The following TNRC18 variants were observed in gnomAD, a reference collection of about 807,000 sequenced individuals.
TNRC18 encodes trinucleotide repeat-containing gene 18 protein.
TNRC18 carries 69 observed loss-of-function variants against 226.7 expected under a neutral mutation model. That is an observed-to-expected ratio of 0.30 (90% CI 0.25 to 0.37). The LOEUF (loss-of-function observed/expected upper bound fraction) is 0.37, where lower values mean the gene tolerates loss of function less well. Among genes scored for constraint, TNRC18 ranks in the 10% least tolerant of loss-of-function variants. The probability of loss-of-function intolerance (pLI) is 1.00; values close to 1 mark genes in which losing one functional copy is unlikely to be tolerated. For missense variants in TNRC18, 4,754 were observed against 4,256.6 expected, an observed-to-expected ratio of 1.12 and a Z score of -3.25; for synonymous variants, 2,449 against 1,927.6, an observed-to-expected ratio of 1.27 and a Z score of -7.09.
At position 5,361,957 on chromosome 7, in the gene TNRC18, T is replaced by C; in HGVS notation, c.4472A>G (p.Gln1491Arg). 1.9e-6 allele frequency: 3 copies of C among 1,612,132 alleles called. No individual in the cohort carries two copies. The highest frequency in any genetic ancestry group is 2.5e-6 in the Non-Finnish European group (3 of 1,179,446). The part of the protein sequence containing the change: ...LDFRMRLAEV[Q>R]RQYKEKQREL... ...ACGCTGCTTCTCCTTGTACTGGCGC[T>C]GCACCTCGGCCAGCCGCATCCGGAA... is the stretch of plus-strand genomic sequence containing the variant. Residue 1491 changes from glutamine (Q) to arginine (R), a missense_variant, in exon 13 of 30, where the codon CAG (glutamine) becomes CGG (arginine). Transcript: ENST00000430969.
intron 18 of TNRC18, among the ~76,000 whole-genome samples, chr7:5,334,137 G>A (rs531674952): frequency 3.7e-4 from 56 of 152,290 alleles, no homozygotes; most frequent in South Asian, 2.1e-3. Flanking sequence ...CACAGGAGCC[G>A]AAAAGCCAAG....
chr7:5,354,296 C>T (rs1583883991), intron 16 of TNRC18, among the ~76,000 whole-genome samples: 2 of 152,036 alleles, frequency 1.3e-5, no homozygotes, highest in East Asian at 3.9e-4. Context: ...TCGGAGCACC[C>T]CAGAGACATC....
Position 5,388,605 on chromosome 7 carries a change from G to C in TNRC18, c.1219C>G (p.Pro407Ala). 7.7e-7 allele frequency: 1 copy of C among 1,294,374 alleles called. No homozygotes were observed. The highest frequency in any genetic ancestry group is 9.8e-7 in the Non-Finnish European group (1 of 1,021,108). The allele number at this position is 1,294,374 out of a possible 1,614,324, so 80.2% of individuals were successfully genotyped here. ...CCGGGGGGCGCCTGCAGGACCCCTG[G>C]CCTGCCAGCCTCGCGCTCGCGGGCC... ...ARAREREAGR[P>A]GVLQAPPGSP... The change falls in exon 5 of 30, where the codon CCA becomes GCA. Residue 407 changes from proline to alanine, a missense_variant. Physicochemically the swap from Pro to Ala is conservative, Grantham distance 27. Transcript: ENST00000430969.
At chr7:5,365,903 C>G (rs1408085039) in intron 11 of TNRC18, among the ~76,000 whole-genome samples, 6 of 152,120 alleles carry the variant, frequency 3.9e-5, no homozygotes, top group Non-Finnish European at 7.3e-5. Context: ...AACCCTATCT[C>G]TACTAAAAAT....
chr7:5,347,350 CTAATT>C (rs1458387766), intron 17 of TNRC18, among the ~76,000 whole-genome samples: 1 of 145,192 alleles, frequency 6.9e-6, no homozygotes, highest in Non-Finnish European at 1.5e-5. Context: ...CCACACCAGG[CTAATT>C]TTTTTTTTTT....
intron 2 of TNRC18, among the ~76,000 whole-genome samples, chr7:5,411,235 A>G (rs1033530661): frequency 6.7e-6 from 1 of 149,890 alleles, no homozygotes; most frequent in African/African-American, 2.4e-5. Flanking sequence ...AAAAAAAAAG[A>G]AAAAAGAAAA....
intron 11 of TNRC18, among the ~76,000 whole-genome samples, chr7:5,365,766 G>C (rs1364082302): frequency 3.3e-5 from 5 of 151,610 alleles, no homozygotes; most frequent in Middle Eastern, 3.2e-3. Flanking sequence ...CATTTTCTTT[G>C]TGATCTAAAA....
In TNRC18 at chr7:5,359,470, G is replaced by C. The variant is rs1372291218; in HGVS notation, c.4761C>G (p.Ile1587Met). 5.0e-6 allele frequency: 8 copies of C among 1,613,822 alleles called. No individual in the cohort carries two copies. The highest frequency in any genetic ancestry group is 6.8e-6 in the Non-Finnish European group (8 of 1,179,884). ...TCCTCCCCCTGGCTTTCCCCATTCC[G>C]ATGAGGGCATCATGTTCCTCCTCAG... is the stretch of plus-strand genomic sequence containing the variant. ...KGSEEEHDAL[I>M]GMGKARGRNQ... is the part of the protein sequence containing the mutation. The change falls in exon 15 of 30, where the codon ATC (isoleucine) becomes ATG (methionine). Residue 1587 changes from isoleucine to methionine, a missense_variant. Transcript: ENST00000430969.
At position 5,377,337 on chromosome 7, in the gene TNRC18, A is replaced by ACG; in HGVS notation, c.2461+33_2461+34insCG. The ACG allele has an allele frequency of 1.4e-6, 1 of 723,880 alleles. No individual in the cohort carries two copies. The highest frequency in any genetic ancestry group is 2.1e-6 in the Non-Finnish European group (1 of 483,988). 44.8% of individuals were successfully genotyped at this position (723,880 alleles called of 1,614,324 possible). The stretch of plus-strand genomic sequence containing the variant: ...ACCCGCCCCCTCCCACCCCTCCCTC[A>ACG]GAGAAGGGGAGAGACCCTGTGCCCC... On this transcript the variant is annotated intron_variant, in intron 7 of 29. Coordinates refer to ENST00000430969, the MANE Select transcript of TNRC18 (RefSeq NM_001080495.3). The surrounding 1 kb of genome is among the most constrained non-coding windows in gnomAD (Gnocchi z 5.8).
At chr7:5,327,817 T>G (rs1159527715) in intron 19 of TNRC18, among the ~76,000 whole-genome samples, 5 of 152,150 alleles carry the variant, frequency 3.3e-5, no homozygotes, top group African/African-American at 1.2e-4. Context: ...ACAGAGACGC[T>G]GCCTGCTTTG....
chr7:5,312,466 C>A lies in TNRC18; in HGVS notation c.8388+37G>T. ...GCCCAGCAGAGAGACACAAGGCCCCCGGCCCCTCGGCCGTGCCCGGGCGCG... is the reference window on the plus strand; with the variant it reads ...GCCCAGCAGAGAGACACAAGGCCCCAGGCCCCTCGGCCGTGCCCGGGCGCG... On this transcript the variant is annotated intron_variant, in intron 27 of 29. Coordinates refer to ENST00000430969, the MANE Select transcript of TNRC18 (RefSeq NM_001080495.3). The surrounding 1 kb of genome is among the most constrained non-coding windows in gnomAD (Gnocchi z 6.3). 6.3e-7 allele frequency: 1 copy of A among 1,596,486 alleles called. No homozygotes were observed. Among genetic ancestry groups the A allele is most frequent in the Non-Finnish European group, 8.5e-7 (1 of 1,174,000 alleles).
chr7:5,379,752 AC>A (rs1161468134), intron 5 of TNRC18, among the ~76,000 whole-genome samples: 4 of 152,226 alleles, frequency 2.6e-5, no homozygotes, highest in African/African-American at 9.6e-5. Context: ...GGCAGAGGCT[AC>A]CAGGTGTGCA....
chr7:5,322,083 T>G (rs549484979), intron 21 of TNRC18, among the ~76,000 whole-genome samples: 2 of 151,988 alleles, frequency 1.3e-5, no homozygotes, highest in East Asian at 4.0e-4. Context: ...ATCAAGACCA[T>G]CCTAGCTAAC....
intron 10 of TNRC18, 124 bp from the exon 11 acceptor site, chr7:5,371,488 A>T (rs1329068040): frequency 3.2e-6 from 4 of 1,254,718 alleles, no homozygotes; most frequent in Non-Finnish European, 4.2e-6. Flanking sequence ...ACCCAGCTAC[A>T]GGGTGGGAGC....
At chr7:5,417,852 A>T (rs1473409191) in intron 2 of TNRC18, among the ~76,000 whole-genome samples, 1 of 152,158 alleles carries the variant, frequency 6.6e-6, no homozygotes, top group Admixed American at 6.6e-5. Flanking sequence ...TTCACTGATT[A>T]ATCTTTCTAA....
Position 5,309,001 on chromosome 7 carries a change from C to T in TNRC18, c.8626-52G>A, listed in dbSNP as rs1369287810. On this transcript the variant is annotated intron_variant, in intron 28 of 29. Coordinates refer to ENST00000430969, the MANE Select transcript of TNRC18 (RefSeq NM_001080495.3). This position sits in a 1 kb window ranked among gnomAD's most constrained non-coding sequence, Gnocchi z 5.7. ...GGGTGAGCCCGGGGGCTGCTGCACC[C>T]GACCCCAGGCCCCAGGACAGGGCTG... 22 of 1,557,728 alleles carry T rather than the reference C, an allele frequency of 1.4e-5. No individual in the cohort carries two copies. In the Admixed American group the frequency reaches 1.9e-4, roughly 13 times the overall value.
intron 18 of TNRC18, among the ~76,000 whole-genome samples, chr7:5,343,927 C>A (rs1790913260): frequency 6.6e-6 from 1 of 151,946 alleles, no homozygotes; most frequent in Non-Finnish European, 1.5e-5. Context: ...GCTTGTGTAC[C>A]CAAAGGAATG....
At chr7:5,320,293 G>A (rs775778379) in intron 24 of TNRC18, 25 bp downstream of exon 24, 16 of 1,528,706 alleles carry the variant, frequency 1.0e-5, no homozygotes, top group Non-Finnish European at 1.3e-5. Context: ...GGCGGCAGGG[G>A]AGAGCTGGGG....
intron 18 of TNRC18, among the ~76,000 whole-genome samples, chr7:5,339,225 T>G (rs1266224038): frequency 7.6e-6 from 1 of 131,946 alleles, no homozygotes; most frequent in East Asian, 3.3e-4. Context: ...GTTTCTTTTT[T>G]TTTCTTTTTT....
Sources: allele counts gnomAD v4.1 joint callset (sites outside exome capture counted in the v4.1 genomes callset), GRCh38; gene constraint gnomAD v4.1.1; non-coding constraint Gnocchi (gnomAD v3.1); transcripts MANE v1.5; gene names NCBI Gene and HGNC (gene_info 2026-07-23, HGNC 2026-07-21).